Variants in LIPN observed in about 807,000 individuals in gnomAD.
LIPN encodes lipase member N.
LIPN carries 32 observed loss-of-function variants against 43.7 expected under a neutral mutation model. That is an observed-to-expected ratio of 0.73 (90% CI 0.55 to 0.98). LIPN has a LOEUF of 0.98. LIPN is among the 50% of genes least tolerant of loss of function. The probability of loss-of-function intolerance (pLI) is 0.00; values close to 1 mark genes in which losing one functional copy is unlikely to be tolerated. For synonymous variants in LIPN, 156 were observed against 157.6 expected (o/e 0.99, Z 0.08); for missense variants, 505 against 483.8 (o/e 1.04, Z -0.41).
upstream of LIPN, among the ~76,000 whole-genome samples, chr10:88,757,807 A>T (rs1199490324): frequency 6.6e-6 from 1 of 152,196 alleles, no homozygotes; most frequent in South Asian, 2.1e-4. Flanking sequence ...ACACACACAC[A>T]TATAGACTTA....
At position 88,778,161 on chromosome 10, in the gene LIPN, C is replaced by A; in HGVS notation, c.1116C>A (p.Asn372Lys). Reference protein sequence around the residue: ...LHYFKLLPDWNHFDFVWGLDA... With the variant: ...LHYFKLLPDWKHFDFVWGLDA... ...ACTTTAAGCTATTGCCAGATTGGAACCACTTTGATTTTGTCTGGGGCCTCG... is the reference window on the plus strand; with the variant it reads ...ACTTTAAGCTATTGCCAGATTGGAAACACTTTGATTTTGTCTGGGGCCTCG... The change falls in exon 10 of 10, where the codon AAC becomes AAA. Residue 372 changes from asparagine (N) to lysine (K), a missense_variant. Physicochemically the swap from Asn to Lys is moderately conservative, Grantham distance 94. Transcript: ENST00000404459. The A allele has an allele frequency of 6.2e-7, 1 of 1,613,508 alleles. No individual in the cohort carries two copies. The highest frequency in any genetic ancestry group is 2.2e-5 in the East Asian group (1 of 44,786).
chr10:88,769,002 T>C (rs1843160285), intron 6 of LIPN, 74 bp downstream of exon 6: 2 of 1,418,832 alleles, frequency 1.4e-6, no homozygotes, highest in African/African-American at 2.9e-5. Context: ...TCAAATCTAC[T>C]GTAAAGTAAA....
chr10:88,777,836 G>T (rs1843319866), intron 9 of LIPN, among the ~76,000 whole-genome samples, 173 bp from the exon 10 acceptor site: 1 of 151,908 alleles, frequency 6.6e-6, no homozygotes, highest in Non-Finnish European at 1.5e-5. Context: ...ACAAATATTT[G>T]CCTTGCTCCC....
intron 7 of LIPN, among the ~76,000 whole-genome samples, chr10:88,773,597 G>A (rs1010128272): frequency 3.3e-5 from 5 of 151,790 alleles, no homozygotes; most frequent in South Asian, 2.1e-4. Context: ...CAAGAAGAAG[G>A]AGGAGGAAGA....
At chr10:88,764,333 T>C in intron 3 of LIPN, 77 bp from the exon 4 acceptor site, 1 of 1,119,380 alleles carries the variant, frequency 8.9e-7, no homozygotes, top group Non-Finnish European at 1.3e-6. Flanking sequence ...ATGCTCTATT[T>C]AACATAAATT....
Position 88,764,479 on chromosome 10 carries a change from C to A in LIPN, c.296C>A (p.Ala99Asp). The change falls in exon 4 of 10, where the codon GCT (alanine) becomes GAT (aspartate). Residue 99 changes from alanine (A) to aspartate (D), a missense_variant. Physicochemically the swap from Ala to Asp is moderately radical, Grantham distance 126. Transcript: ENST00000404459. ...ADNAYWLENY[A>D]NGSLGFLLAD... is the part of the protein sequence containing the mutation. ...AATGCCTACTGGCTTGAGAATTATG[C>A]TAATGGAAGCCTTGGATTCCTTCTA... 4.3e-6 allele frequency: 7 copies of A among 1,612,358 alleles called. No homozygotes were observed. Among genetic ancestry groups the A allele is most frequent in the Non-Finnish European group, 5.9e-6 (7 of 1,179,084 alleles).
intron 7 of LIPN, among the ~76,000 whole-genome samples, chr10:88,771,616 A>C (rs1564583825): frequency 6.6e-6 from 1 of 151,828 alleles, no homozygotes; most frequent in Non-Finnish European, 1.5e-5. Context: ...ATGGCTGTCT[A>C]TATGTACCAC....
At chr10:88,775,202 T>A in intron 9 of LIPN, 39 bp downstream of exon 9, 3 of 1,369,420 alleles carry the variant, frequency 2.2e-6, no homozygotes, top group Non-Finnish European at 2.0e-6. Flanking sequence ...CTGATTTTGA[T>A]AAATTATAAT....
upstream of LIPN, among the ~76,000 whole-genome samples, chr10:88,759,016 C>A (rs965494503): frequency 5.9e-5 from 9 of 152,092 alleles, no homozygotes; most frequent in Admixed American, 5.2e-4. Context: ...AATCCACATA[C>A]CTATGCCATC....
chr10:88,764,326 C>T (rs1843051975), intron 3 of LIPN, 84 bp from the exon 4 acceptor site: 2 of 1,033,672 alleles, frequency 1.9e-6, no homozygotes, highest in African/African-American at 1.6e-5. Context: ...TTCCGACATG[C>T]TCTATTTAAC....
chr10:88,768,025 C>T (rs879499220), intron 5 of LIPN, among the ~76,000 whole-genome samples: 20,759 of 98,576 alleles, frequency 0.21, 1,574 homozygotes, highest in Non-Finnish European at 0.24. Flanking sequence ...TACACACACA[C>T]ACACACACAC....
Position 88,766,389 on chromosome 10 carries a change from G to A in LIPN, c.535+11G>A, listed in dbSNP as rs1843099324. On this transcript the variant is annotated intron_variant, in intron 5 of 9. Coordinates refer to ENST00000404459, the MANE Select transcript of LIPN (RefSeq NM_001102469.2). The stretch of plus-strand genomic sequence containing the variant: ...TTGGCACTACAATAGGTATGTTTAT[G>A]AGGGTCACTGTTAGGTGTGTTTTTG... 1 of 1,466,210 alleles carries A rather than the reference G, an allele frequency of 6.8e-7. No homozygotes were observed. Among genetic ancestry groups the A allele is most frequent in the African/African-American group, 1.4e-5 (1 of 71,844 alleles). 90.8% of individuals were successfully genotyped at this position (1,466,210 alleles called of 1,614,324 possible). A position where few individuals can be genotyped will look rare whatever the true frequency, so the allele number is the denominator to read the frequency against.
At chr10:88,770,775 A>G in intron 6 of LIPN, 70 bp from the exon 7 acceptor site, 2 of 925,820 alleles carry the variant, frequency 2.2e-6, no homozygotes, top group South Asian at 3.9e-5. Flanking sequence ...CTGGTTACTA[A>G]TCCCTTGTAA....
At chr10:88,773,894 A>G (rs1431797952) in intron 7 of LIPN, among the ~76,000 whole-genome samples, 1 of 152,016 alleles carries the variant, frequency 6.6e-6, no homozygotes, top group Non-Finnish European at 1.5e-5. Context: ...AACGTTTACA[A>G]ATACTGAAAT....
intron 9 of LIPN, among the ~76,000 whole-genome samples, chr10:88,777,267 C>T (rs1384202753): frequency 6.6e-6 from 1 of 152,028 alleles, no homozygotes; most frequent in Non-Finnish European, 1.5e-5. Context: ...TTCCTTTTGT[C>T]CCAGGCACTG....
At chr10:88,761,034 C>T (rs1842987557) in intron 1 of LIPN, among the ~76,000 whole-genome samples, 1 of 152,062 alleles carries the variant, frequency 6.6e-6, no homozygotes, top group Non-Finnish European at 1.5e-5. Flanking sequence ...GGGATACCTC[C>T]ACTTTTTACT....
upstream of LIPN, among the ~76,000 whole-genome samples, chr10:88,757,781 G>T (rs553329779): frequency 9.9e-5 from 15 of 152,224 alleles, no homozygotes; most frequent in Admixed American, 3.3e-4. Flanking sequence ...GCAAAAGTGT[G>T]CTAATTAATA....
Position 88,764,596 on chromosome 10 carries a change from T to C in LIPN, c.413T>C (p.Phe138Ser). The C allele has an allele frequency of 6.2e-7, 1 of 1,600,506 alleles. No homozygotes were observed. ...ACACTCTCAGAGACAGATGAGAAATTCTGGGCCTTTAGGTAAATATTAGCT... is the reference window on the plus strand; with the variant it reads ...ACACTCTCAGAGACAGATGAGAAATCCTGGGCCTTTAGGTAAATATTAGCT... Reference protein sequence around the residue: ...HKTLSETDEKFWAFSFDEMAK... With the variant: ...HKTLSETDEKSWAFSFDEMAK... The change falls in exon 4 of 10, where the codon TTC becomes TCC. Residue 138 changes from phenylalanine (F) to serine (S), a missense_variant. Coordinates refer to ENST00000404459, the MANE Select transcript of LIPN (RefSeq NM_001102469.2).
intron 7 of LIPN, 124 bp downstream of exon 7, chr10:88,771,115 T>G: frequency 1.3e-6 from 1 of 790,622 alleles, no homozygotes; most frequent in Non-Finnish European, 1.9e-6. Context: ...AAGACAGATT[T>G]TTTTTTGCTT....
Sources: allele counts gnomAD v4.1 joint callset (sites outside exome capture counted in the v4.1 genomes callset), GRCh38; gene constraint gnomAD v4.1.1; transcripts MANE v1.5; gene names NCBI Gene and HGNC (gene_info 2026-07-23, HGNC 2026-07-21).